RBFOX1: variants seen among roughly 807,000 people sequenced by gnomAD.
The protein encoded by RBFOX1 is RNA binding fox-1 homolog 1.
RBFOX1 carries 8 observed loss-of-function variants against 57.7 expected under a neutral mutation model. That is an observed-to-expected ratio of 0.14 (90% CI 0.08 to 0.25). RBFOX1 has a LOEUF of 0.25. RBFOX1 is among the 10% of genes least tolerant of loss of function. RBFOX1 has a pLI of 1.00. For synonymous variants in RBFOX1, 326 were observed against 222.4 expected (o/e 1.47, Z -4.15); for missense variants, 611 against 548.5 (o/e 1.11, Z -1.14).
intron 2 of RBFOX1, among the ~76,000 whole-genome samples, chr16:6,496,107 G>T (rs1370913497): frequency 6.6e-6 from 1 of 152,168 alleles, no homozygotes; most frequent in East Asian, 1.9e-4. Context: ...TGCTACTCTG[G>T]GGTGTCTTGT....
In RBFOX1 at chr16:6,110,305, GATAA is replaced by G; in HGVS notation, c.-127+90318_-127+90321del. 2.7e-5 allele frequency among the ~76,000 whole-genome samples: 4 copies of G among 149,276 alleles called. No individual in the cohort carries two copies. In the South Asian group the frequency reaches 8.4e-4, roughly 32 times the overall value. On this transcript the variant is annotated intron_variant, in intron 1 of 15. Transcript: ENST00000550418. The stretch of plus-strand genomic sequence containing the variant: ...GCATCATCACAATTCTCTATAGCTT[GATAA>G]ATAACCTCTCTGGAAATTGATGATT...
At chr16:6,378,454 A>G (rs1397663826) in intron 2 of RBFOX1, among the ~76,000 whole-genome samples, 1 of 152,292 alleles carries the variant, frequency 6.6e-6, no homozygotes, top group South Asian at 2.1e-4. Context: ...GCAGGGTTGC[A>G]ATTGTAGCCC....
intron 3 of RBFOX1, among the ~76,000 whole-genome samples, chr16:5,617,239 T>C (rs140397297): frequency 2.6e-5 from 4 of 152,296 alleles, no homozygotes; most frequent in African/African-American, 9.6e-5. Context: ...CACATGGCAT[T>C]CCTCTAACTT....
chr16:7,221,191 C>T (rs1435287735), intron 4 of RBFOX1, among the ~76,000 whole-genome samples: 1 of 152,034 alleles, frequency 6.6e-6, no homozygotes, highest in South Asian at 2.1e-4. Flanking sequence ...TGAATTAAAA[C>T]AGCTGCCTTG....
intron 3 of RBFOX1, among the ~76,000 whole-genome samples, chr16:6,797,741 C>G (rs555217387): frequency 6.6e-6 from 1 of 152,102 alleles, no homozygotes; most frequent in Non-Finnish European, 1.5e-5. Context: ...CACGTTGGCT[C>G]TTGGGGTCCA....
At chr16:6,714,863 G>A (rs1396073567) in intron 3 of RBFOX1, among the ~76,000 whole-genome samples, 1 of 151,912 alleles carries the variant, frequency 6.6e-6, no homozygotes, top group Non-Finnish European at 1.5e-5. Flanking sequence ...TTCTGTTTGG[G>A]AGGCAGAAAA....
At chr16:6,118,136 G>A (rs2096517180) in intron 1 of RBFOX1, among the ~76,000 whole-genome samples, 1 of 152,238 alleles carries the variant, frequency 6.6e-6, no homozygotes, top group South Asian at 2.1e-4. Flanking sequence ...TACAATAATA[G>A]AAACTAATAA....
At chr16:6,647,623 T>C (rs187371588) in intron 2 of RBFOX1, among the ~76,000 whole-genome samples, 12 of 152,320 alleles carry the variant, frequency 7.9e-5, no homozygotes, top group African/African-American at 2.9e-4. Flanking sequence ...ACAGCCACAC[T>C]GAGGGTTAGA....
intron 14 of RBFOX1, among the ~76,000 whole-genome samples, chr16:7,693,002 A>G (rs2077710647): frequency 6.6e-6 from 1 of 152,186 alleles, no homozygotes; most frequent in Non-Finnish European, 1.5e-5. Flanking sequence ...TAGCATAGAA[A>G]GTCATATGAG....
intron 4 of RBFOX1, among the ~76,000 whole-genome samples, chr16:7,158,399 T>C (rs1217956894): frequency 6.6e-6 from 1 of 152,186 alleles, no homozygotes; most frequent in African/African-American, 2.4e-5. Flanking sequence ...TGATTGATCT[T>C]ACTGATGTAG....
Position 6,019,815 on chromosome 16 carries a change from G to A in RBFOX1, c.-304G>A, listed in dbSNP as rs928665091. 31 of 1,500,554 alleles carry A rather than the reference G, an allele frequency of 2.1e-5. No homozygotes were observed. The highest frequency in any genetic ancestry group is 2.7e-5 in the Non-Finnish European group (30 of 1,124,950). The allele number at this position is 1,500,554 out of a possible 1,614,324, so 93.0% of individuals were successfully genotyped here. A position where few individuals can be genotyped will look rare whatever the true frequency, so the allele number is the denominator to read the frequency against. ...TCCGGACCCTCGCCGCGCCCAGGCA[G>A]GCGCGCCAGGGCGGGGCTGACCTGC... On this transcript the variant is annotated 5_prime_UTR_variant, in exon 1 of 16. Transcript: ENST00000550418. This position sits in a 1 kb window ranked among gnomAD's most constrained non-coding sequence, Gnocchi z 4.2.
chr16:6,724,535 C>G (rs548160748), intron 3 of RBFOX1, among the ~76,000 whole-genome samples: 109 of 152,132 alleles, frequency 7.2e-4, no homozygotes, highest in African/African-American at 2.5e-3. Flanking sequence ...AGGAAGCAGG[C>G]CCTCACCAGA....
rs545784858 is a variant in RBFOX1 at position 6,618,316 on chromosome 16, C to G, written c.-63-36287C>G. Among the ~76,000 whole-genome samples, 33 of 152,280 alleles carry G rather than the reference C, an allele frequency of 2.2e-4. No individual in the cohort carries two copies. In the South Asian group the frequency reaches 6.8e-3, roughly 32 times the overall value. On this transcript the variant is annotated intron_variant, in intron 2 of 15. Transcript: ENST00000550418. The stretch of plus-strand genomic sequence containing the variant: ...TGTAATAGATGACATTGACTGAACA[C>G]TTACTTAAAACGCAGTTTCAAGCCC...
At chr16:7,580,403 T>C (rs540799143) in intron 6 of RBFOX1, among the ~76,000 whole-genome samples, 8 of 152,318 alleles carry the variant, frequency 5.3e-5, no homozygotes, top group African/African-American at 1.7e-4. Flanking sequence ...AGAGAACAAC[T>C]ACTTCTGCAT....
At chr16:6,858,946 C>A (rs1188634739) in intron 3 of RBFOX1, among the ~76,000 whole-genome samples, 1 of 151,388 alleles carries the variant, frequency 6.6e-6, no homozygotes, top group Non-Finnish European at 1.5e-5. Flanking sequence ...ATTATTTTCA[C>A]TGTCAATCAA....
At chr16:6,583,389 C>A (rs532254371) in intron 2 of RBFOX1, among the ~76,000 whole-genome samples, 7 of 152,296 alleles carry the variant, frequency 4.6e-5, no homozygotes, top group African/African-American at 1.7e-4. Context: ...GGAATGATAC[C>A]AGCCAATCAA....
At chr16:6,139,556 C>T (rs981929730) in intron 1 of RBFOX1, among the ~76,000 whole-genome samples, 2 of 152,194 alleles carry the variant, frequency 1.3e-5, no homozygotes, top group Non-Finnish European at 2.9e-5. Flanking sequence ...TCAGGCTCTG[C>T]ATGGTGTTTG....
rs904528479 is a variant in RBFOX1, at chr16:5,946,010, T to A, written c.351+78675T>A. On this transcript the variant is annotated intron_variant, in intron 4 of 19. Coordinates refer to the RBFOX1 transcript ENST00000641259. The surrounding 1 kb of genome is among the most constrained non-coding windows in gnomAD (Gnocchi z 4.6). ...TGGAACATCCACACCGGCGTCCACATTGGGTTTAAAAAGAGAAAAGAAGTC... is the reference window on the plus strand; with the variant it reads ...TGGAACATCCACACCGGCGTCCACAATGGGTTTAAAAAGAGAAAAGAAGTC... 2.6e-5 allele frequency among the ~76,000 whole-genome samples: 4 copies of A among 152,148 alleles called. No individual in the cohort carries two copies. Among genetic ancestry groups the A allele is most frequent in the Non-Finnish European group, 5.9e-5 (4 of 68,022 alleles).
chr16:6,278,917 A>G (rs2076102998), intron 1 of RBFOX1, among the ~76,000 whole-genome samples: 1 of 152,178 alleles, frequency 6.6e-6, no homozygotes, highest in South Asian at 2.1e-4. Flanking sequence ...TTAATCACCA[A>G]GAAGGTTGAG....
Sources: allele counts gnomAD v4.1 joint callset (sites outside exome capture counted in the v4.1 genomes callset), GRCh38; gene constraint gnomAD v4.1.1; non-coding constraint Gnocchi (gnomAD v3.1); transcripts MANE v1.5; gene names NCBI Gene and HGNC (gene_info 2026-07-23, HGNC 2026-07-21).